USPL1: variants seen among roughly 807,000 people sequenced by gnomAD.
The protein encoded by USPL1 is SUMO-specific isopeptidase USPL1.
In USPL1, 27 loss-of-function variants were observed where a neutral mutation model predicts 51.5. The observed-to-expected ratio is 0.52, with a 90% CI of 0.39 to 0.72. The LOEUF (loss-of-function observed/expected upper bound fraction) is 0.72. USPL1 is among the 30% of genes least tolerant of loss of function. The probability of loss-of-function intolerance (pLI) is 0.00; values close to 1 mark genes in which losing one functional copy is unlikely to be tolerated. For missense variants in USPL1, 1,226 were observed against 1,268.0 expected (o/e 0.97, Z 0.50); for synonymous variants, 451 against 459.6 (o/e 0.98, Z 0.24).
chr13:30,629,896 C>G (rs569108643), intron 3 of USPL1, among the ~76,000 whole-genome samples: 1 of 152,226 alleles, frequency 6.6e-6, no homozygotes, highest in East Asian at 1.9e-4. Context: ...GTGTAGTTCT[C>G]TAGTTCATAG....
At chr13:30,618,964 A>G (rs1000960302) in intron 1 of USPL1, among the ~76,000 whole-genome samples, 9 of 152,208 alleles carry the variant, frequency 5.9e-5, no homozygotes, top group Non-Finnish European at 8.8e-5. Context: ...TGGAAGGGAA[A>G]GAGGTAGAGA....
intron 3 of USPL1, among the ~76,000 whole-genome samples, chr13:30,629,838 T>G (rs976342465): frequency 6.6e-6 from 1 of 152,134 alleles, no homozygotes; most frequent in African/African-American, 2.4e-5. Context: ...CCAAGCCAAC[T>G]CTGTACAGTG....
At chr13:30,647,259 C>G (rs1194531712) in intron 7 of USPL1, among the ~76,000 whole-genome samples, 5 of 152,178 alleles carry the variant, frequency 3.3e-5, no homozygotes, top group African/African-American at 1.2e-4. Flanking sequence ...CCAACTTAGG[C>G]TGACTCTCTG....
chr13:30,644,156 A>G (rs1328247347), intron 6 of USPL1, among the ~76,000 whole-genome samples: 3 of 151,566 alleles, frequency 2.0e-5, no homozygotes, highest in Non-Finnish European at 2.9e-5. Flanking sequence ...GATGGCGGAC[A>G]CCTGTAGTCC....
rs754430276 is a variant in USPL1 at position 30,631,369 on chromosome 13, G to A, written c.763G>A (p.Val255Met). ...LVHSEELKNT[V>M]TGLCSKEESI... ...GCACTCGGAAGAGTTAAAGAACACCGTGACTGGACTGTGCTCGAAGGAGGA... is the reference window on the plus strand; with the variant it reads ...GCACTCGGAAGAGTTAAAGAACACCATGACTGGACTGTGCTCGAAGGAGGA... The change falls in exon 4 of 9, where the codon GTG becomes ATG. Residue 255 changes from valine (V) to methionine (M), a missense_variant. Transcript: ENST00000255304. 9.3e-6 allele frequency: 15 copies of A among 1,614,094 alleles called. No homozygotes were observed. The highest frequency in any genetic ancestry group is 1.7e-5 in the Admixed American group (1 of 60,004).
intron 2 of USPL1, among the ~76,000 whole-genome samples, chr13:30,621,543 A>G (rs1950647167): frequency 6.6e-6 from 1 of 152,076 alleles, no homozygotes; most frequent in South Asian, 2.1e-4. Context: ...TTCTTAACAC[A>G]TAAAATTTAA....
intron 5 of USPL1, among the ~76,000 whole-genome samples, chr13:30,639,222 G>GTATA (rs61182649): frequency 0.016 from 2,242 of 144,342 alleles, 29 homozygotes; most frequent in African/African-American, 0.037. Context: ...CTCAAAAAAT[G>GTATA]TATATATATA....
At position 30,658,892 on chromosome 13, in the gene USPL1, T is replaced by C. The variant is rs141247379; in HGVS notation, c.2815T>C (p.Leu939=). ...TGATTGTGAATCAATAGAGGACTTG[T>C]TAAATGAGCTACCATATCCAATTGA... ...PNDCESIEDL[L]NELPYPIDIA... Residue 939 remains leucine (L), a synonymous_variant, in exon 9 of 9, where the codon TTA becomes CTA. Transcript: ENST00000255304. The C allele has an allele frequency of 5.2e-5, 84 of 1,614,184 alleles. No individual in the cohort carries two copies. Among genetic ancestry groups the C allele is most frequent in the South Asian group, 2.1e-4 (19 of 91,084 alleles).
At chr13:30,634,381 C>T (rs1950847118) in intron 4 of USPL1, among the ~76,000 whole-genome samples, 1 of 152,166 alleles carries the variant, frequency 6.6e-6, no homozygotes, top group South Asian at 2.1e-4. Context: ...CTGGAATTTT[C>T]CGCTTAATAT....
chr13:30,657,704 G>C lies in USPL1; in HGVS notation c.1627G>C (p.Glu543Gln). The stretch of plus-strand genomic sequence containing the variant: ...TTCTGTGGGTGATGCTGCCTCAGCT[G>C]AAACAGCCTCAGTAACTCACCCTAA... Reference protein sequence around the residue: ...SCSVGDAASAETASVTHPKDI... With the variant: ...SCSVGDAASAQTASVTHPKDI... The change falls in exon 9 of 9, where the codon GAA becomes CAA. Residue 543 changes from glutamate to glutamine, a missense_variant. By Grantham distance (29) the Glu-to-Gln change is conservative. Coordinates refer to ENST00000255304, the MANE Select transcript of USPL1 (RefSeq NM_005800.5). 1 of 1,614,178 alleles carries C rather than the reference G, an allele frequency of 6.2e-7. No homozygotes were observed. Among genetic ancestry groups the C allele is most frequent in the Non-Finnish European group, 8.5e-7 (1 of 1,180,004 alleles).
chr13:30,620,463 A>T (rs947019030), intron 1 of USPL1, among the ~76,000 whole-genome samples: 2 of 152,226 alleles, frequency 1.3e-5, no homozygotes, highest in African/African-American at 4.8e-5. Context: ...AGCTTGCCAC[A>T]TATGTAATTT....
In USPL1 at chr13:30,630,248, C is replaced by A. The variant is rs190779121; in HGVS notation, c.229-587C>A. On this transcript the variant is annotated intron_variant, in intron 3 of 8. Transcript: ENST00000255304. ...TAAACTTAGGAAAGACCCACTGATTCTTTTAGTGATATGTTTACATTGTTG... is the reference window on the plus strand; with the variant it reads ...TAAACTTAGGAAAGACCCACTGATTATTTTAGTGATATGTTTACATTGTTG... Among the ~76,000 whole-genome samples the A allele has an allele frequency of 7.2e-4, 109 of 152,184 alleles. No individual in the cohort carries two copies. In the Middle Eastern group the frequency reaches 0.01, roughly 14 times the overall value.
At position 30,655,000 on chromosome 13, in the gene USPL1, G is replaced by T. The variant is rs1216454044; in HGVS notation, c.1396+1695G>T. ...GTTGCCCAGGCTGGAGTGTATTGGC[G>T]CAGTCTTGTCTCACCACCACGTCTG... On this transcript the variant is annotated intron_variant, in intron 8 of 8. Coordinates refer to ENST00000255304, the MANE Select transcript of USPL1 (RefSeq NM_005800.5). Among the ~76,000 whole-genome samples the T allele has an allele frequency of 4.0e-5, 6 of 151,190 alleles. No homozygotes were observed. The South Asian group carries it at 1.0e-3, about 26-fold the overall frequency.
chr13:30,628,043 ATTTTTT>A (rs202119827), intron 3 of USPL1, among the ~76,000 whole-genome samples: 3 of 127,012 alleles, frequency 2.4e-5, no homozygotes, highest in Non-Finnish European at 4.9e-5. Flanking sequence ...TGCCTGGCTA[ATTTTTT>A]TTTTTTTTTT....
chr13:30,631,250 A>C lies in USPL1; in HGVS notation c.644A>C (p.Glu215Ala). 6.2e-7 allele frequency: 1 copy of C among 1,614,168 alleles called. No individual in the cohort carries two copies. Among genetic ancestry groups the C allele is most frequent in the South Asian group, 1.1e-5 (1 of 91,082 alleles). Residue 215 changes from glutamate to alanine, a missense_variant, in exon 4 of 9, where the codon GAG becomes GCG. Physicochemically the swap from Glu to Ala is moderately radical, Grantham distance 107. Transcript: ENST00000255304. ...ACATCTAAACTGGAAATGCCACTGG[A>C]GAGCAAATGTACATCATTTCCCCAG... ...GCTSKLEMPL[E>A]SKCTSFPQAL... is the part of the protein sequence containing the mutation.
At chr13:30,655,661 T>G (rs1440302099) in intron 8 of USPL1, among the ~76,000 whole-genome samples, 1 of 152,178 alleles carries the variant, frequency 6.6e-6, no homozygotes. Context: ...TTTCAATATT[T>G]AAGTAAGTGT....
chr13:30,638,198 GA>G (rs1950901214), intron 5 of USPL1, among the ~76,000 whole-genome samples: 1 of 152,202 alleles, frequency 6.6e-6, no homozygotes, highest in South Asian at 2.1e-4. Flanking sequence ...AGCACCGAGG[GA>G]ATTTAAAAGT....
intron 3 of USPL1, among the ~76,000 whole-genome samples, chr13:30,626,793 T>G (rs1235392056): frequency 6.9e-6 from 1 of 145,858 alleles, no homozygotes; most frequent in Non-Finnish European, 1.5e-5. Flanking sequence ...AAGTTTTAAC[T>G]TTTTTTTTTT....
intron 4 of USPL1, among the ~76,000 whole-genome samples, 167 bp from the exon 5 acceptor site, chr13:30,637,577 G>T (rs993199672): frequency 1.3e-5 from 2 of 152,136 alleles, no homozygotes; most frequent in Non-Finnish European, 2.9e-5. Context: ...CATATATTAA[G>T]GGAATATATG....
Sources: gnomAD v4.1 joint callset for allele counts (sites outside exome capture counted in the v4.1 genomes callset) on GRCh38, gnomAD v4.1.1 for gene constraint, MANE v1.5 for transcripts, NCBI Gene and HGNC (gene_info 2026-07-23, HGNC 2026-07-21) for gene names.